The following FRMPD4 variants were observed in gnomAD, a reference collection of about 807,000 sequenced individuals.
FRMPD4 encodes the protein FERM and PDZ domain containing 4.
A neutral mutation model predicts 94.1 loss-of-function variants in FRMPD4; 22 were observed. The ratio of observed to expected loss-of-function variants is 0.23; its 90% confidence interval spans 0.17 to 0.33. The LOEUF is 0.33. Ranked by LOEUF, FRMPD4 falls within the 10% of genes least tolerant of loss-of-function variation. The pLI, the probability that FRMPD4 is intolerant of heterozygous loss-of-function variation, is 1.00. For synonymous variants in FRMPD4, 631 were observed against 548.6 expected (o/e 1.15, Z -2.10); for missense variants, 1,111 against 1,339.9 (o/e 0.83, Z 2.67).
rs781220473 is a variant in FRMPD4, at chrX:12,473,727, C to T, written c.42-24953C>T. On this transcript the variant is annotated intron_variant, in intron 1 of 16. Coordinates refer to ENST00000675598, the MANE Select transcript of FRMPD4 (RefSeq NM_001368397.1). The stretch of plus-strand genomic sequence containing the variant: ...TCAAAAGAGACAAAGAAGGCCATTA[C>T]ATAATGGTAAAGGAATCAATTCAAC... Among the ~76,000 whole-genome samples, 493 of 110,310 alleles carry T rather than the reference C, an allele frequency of 4.5e-3. 3 individuals carry two copies. The highest frequency in any genetic ancestry group is 0.028 in the Middle Eastern group (6 of 216).
intron 1 of FRMPD4, among the ~76,000 whole-genome samples, chrX:12,192,898 G>T (rs2056507609): frequency 8.9e-6 from 1 of 111,851 alleles, no homozygotes; most frequent in African/African-American, 3.2e-5. Flanking sequence ...ACAACAGGAA[G>T]AATTAGTGGA....
intron 1 of FRMPD4, among the ~76,000 whole-genome samples, chrX:12,270,681 T>A (rs945927796): frequency 2.7e-5 from 3 of 111,965 alleles, no homozygotes; most frequent in African/African-American, 9.7e-5. Flanking sequence ...AAAAATAATG[T>A]GTAACAGTTA....
chrX:12,681,277 G>A lies in FRMPD4; in HGVS notation c.469-2206G>A, dbSNP rs373379192. The stretch of plus-strand genomic sequence containing the variant: ...TACCGCCTGCCTAAAATCATTACGG[G>A]AGAATAATGTTTTCCCTTCAGCTAA... On this transcript the variant is annotated intron_variant, in intron 5 of 16. Transcript: ENST00000675598. Among the ~76,000 whole-genome samples the A allele has an allele frequency of 4.5e-5, 5 of 112,052 alleles. No homozygotes were observed. In the East Asian group the frequency reaches 8.4e-4, roughly 19 times the overall value.
intron 1 of FRMPD4, among the ~76,000 whole-genome samples, chrX:12,247,356 G>A (rs1397452866): frequency 9.0e-6 from 1 of 111,233 alleles, no homozygotes; most frequent in East Asian, 2.8e-4. Context: ...ATTGTCTAGA[G>A]TTCTGAACTA....
At chrX:12,407,163 C>T (rs1458376019) in intron 1 of FRMPD4, among the ~76,000 whole-genome samples, 2 of 111,629 alleles carry the variant, frequency 1.8e-5, no homozygotes, top group Non-Finnish European at 3.8e-5. Flanking sequence ...CTCCCCATCT[C>T]AAGATTCTTA....
At chrX:12,034,321 G>A (rs745486171) in intron 3 of FRMPD4, among the ~76,000 whole-genome samples, 2 of 112,080 alleles carry the variant, frequency 1.8e-5, no homozygotes, top group African/African-American at 6.5e-5. Context: ...GGGATAGAGA[G>A]AGAGAGATGA....
At chrX:12,335,604 C>T (rs2055506084) in intron 1 of FRMPD4, among the ~76,000 whole-genome samples, 1 of 111,546 alleles carries the variant, frequency 9.0e-6, no homozygotes, top group African/African-American at 3.3e-5. Flanking sequence ...TTTCTCTCCC[C>T]ACTGAGATGC....
intron 2 of FRMPD4, among the ~76,000 whole-genome samples, chrX:12,533,826 GC>G (rs1245930137): frequency 8.9e-6 from 1 of 112,273 alleles, no homozygotes; most frequent in East Asian, 2.8e-4. Flanking sequence ...GGGAAGCAGA[GC>G]ATAAAAGTTC....
At chrX:12,421,765 GAAAAA>G (rs34571736) in intron 1 of FRMPD4, among the ~76,000 whole-genome samples, 4 of 69,617 alleles carry the variant, frequency 5.7e-5, no homozygotes, top group African/African-American at 2.0e-4. Context: ...CTATCTCAAA[GAAAAA>G]AAAAAAAAAA....
chrX:12,525,079 G>A (rs990753942), intron 2 of FRMPD4, among the ~76,000 whole-genome samples: 1 of 111,054 alleles, frequency 9.0e-6, no homozygotes, highest in Admixed American at 9.6e-5. Flanking sequence ...ACACCCCTGC[G>A]CTACAGTCTG....
intron 2 of FRMPD4, among the ~76,000 whole-genome samples, chrX:12,584,603 A>T (rs1473714595): frequency 8.9e-6 from 1 of 112,309 alleles, no homozygotes; most frequent in Non-Finnish European, 1.9e-5. Flanking sequence ...GGAAGAAGCC[A>T]CCTTAACCCA....
At chrX:12,027,189 C>T (rs1453362310) in intron 3 of FRMPD4, among the ~76,000 whole-genome samples, 6 of 112,129 alleles carry the variant, frequency 5.4e-5, no homozygotes, top group Non-Finnish European at 7.5e-5. Flanking sequence ...CTTGCAAAAA[C>T]GAAGTAATCT....
chrX:12,280,682 A>C, intron 1 of FRMPD4, among the ~76,000 whole-genome samples: 1 of 111,616 alleles, frequency 9.0e-6, no homozygotes, highest in Admixed American at 9.5e-5. Context: ...TCATCCTCGG[A>C]TCTATGGATT....
chrX:12,271,262 G>A (rs959080721), intron 1 of FRMPD4, among the ~76,000 whole-genome samples: 19 of 111,799 alleles, frequency 1.7e-4, no homozygotes, highest in Non-Finnish European at 2.8e-4. Flanking sequence ...TACAGCTAGC[G>A]GATATTCACA....
At chrX:12,332,118 T>A (rs773801756) in intron 1 of FRMPD4, among the ~76,000 whole-genome samples, 1 of 64,922 alleles carries the variant, frequency 1.5e-5, no homozygotes, top group South Asian at 5.6e-4. Context: ...TATATATAAT[T>A]TATATTTTAT....
rs34558552 is a variant in FRMPD4, at chrX:12,076,327, C to CGTGTGTGTGTGTGT, written c.95+198326_95+198339dup. On this transcript the variant is annotated intron_variant, in intron 3 of 18. Transcript: ENST00000640291. ...AACTGCAGCTTAAACCCTAGCAAAA[C>CGTGTGTGTGTGTGT]GTGTGTGTGTGTGTGTGTGTGTGTG... Among the ~76,000 whole-genome samples, 819 of 98,119 alleles carry CGTGTGTGTGTGTGT rather than the reference C, an allele frequency of 8.3e-3. 9 individuals carry two copies. Among genetic ancestry groups the CGTGTGTGTGTGTGT allele is most frequent in the African/African-American group, 0.03 (781 of 26,351 alleles). The allele number at this position is 98,119 out of a possible 115,157, so 85.2% of individuals were successfully genotyped here. A position where few individuals can be genotyped will look rare whatever the true frequency, so the allele number is the denominator to read the frequency against.
chrX:12,410,250 G>A (rs1351098424), intron 1 of FRMPD4, among the ~76,000 whole-genome samples: 3 of 111,551 alleles, frequency 2.7e-5, no homozygotes, highest in African/African-American at 9.8e-5. Flanking sequence ...ACTGAGTTTA[G>A]TGTGAATATT....
chrX:12,583,692 G>A (rs1249811923), intron 2 of FRMPD4, among the ~76,000 whole-genome samples: 1 of 112,970 alleles, frequency 8.9e-6, no homozygotes, highest in Non-Finnish European at 1.9e-5. Flanking sequence ...CCAGCTGGTT[G>A]CCATCTCTGC....
intron 1 of FRMPD4, among the ~76,000 whole-genome samples, chrX:12,157,726 C>T (rs12557547): frequency 0.11 from 12,467 of 111,765 alleles, 619 homozygotes; most frequent in South Asian, 0.3. Context: ...AAGATGGTCT[C>T]TGTCCTGAAA....
Sources: allele counts gnomAD v4.1 joint callset (sites outside exome capture counted in the v4.1 genomes callset), GRCh38; gene constraint gnomAD v4.1.1; transcripts MANE v1.5; gene names NCBI Gene and HGNC (gene_info 2026-07-23, HGNC 2026-07-21).